ALAD: variants seen among roughly 807,000 people sequenced by gnomAD.
ALAD encodes aminolevulinate dehydratase.
A neutral mutation model predicts 44.4 loss-of-function variants in ALAD; 20 were observed. The ratio of observed to expected loss-of-function variants is 0.45; its 90% CI spans 0.32 to 0.65. The LOEUF is 0.65. Among genes scored for constraint, ALAD ranks in the 30% least tolerant of loss-of-function variants. The pLI is 0.05. For missense variants in ALAD, 323 were observed against 445.7 expected (o/e 0.72, Z 2.48); for synonymous variants, 156 against 167.9 (o/e 0.93, Z 0.55).
rs778953536 is a variant in ALAD at position 113,390,849 on chromosome 9, G to A, written c.346C>T (p.Leu116=). 2.5e-6 allele frequency: 4 copies of A among 1,613,832 alleles called. No homozygotes were observed. The highest frequency in any genetic ancestry group is 1.1e-5 in the South Asian group (1 of 91,040). ...CACAGGCAGACATCACAGGCCACCA[G>A]GAGGTTGGGGAAGGTCTTCCTCAAC... ...HLLRKTFPNL[L]VACDVCLCPY... The change falls in exon 5 of 12, where the codon CTG becomes TTG. Residue 116 remains leucine, a synonymous_variant. Transcript: ENST00000409155.
rs753578181 is a variant in ALAD, at chr9:113,389,533, T to C, written c.715-9A>G. ...TCCCGTACATCCCGGTCCTAAGGGA[T>C]GAGGGTATAATGTGGGTGGTGCCTA... is the stretch of plus-strand genomic sequence containing the variant. On this transcript the variant is annotated splice_polypyrimidine_tract_variant and intron_variant, in intron 9 of 11. Transcript: ENST00000409155. The C allele has an allele frequency of 1.2e-6, 2 of 1,614,140 alleles. No homozygotes were observed. Among genetic ancestry groups the C allele is most frequent in the South Asian group, 1.1e-5 (1 of 91,078 alleles).
chr9:113,388,538 T>G (rs1827473168), intron 11 of ALAD, among the ~76,000 whole-genome samples, 177 bp from the exon 12 acceptor site: 1 of 152,226 alleles, frequency 6.6e-6, no homozygotes, highest in Admixed American at 6.5e-5. Flanking sequence ...GCAAGTCATT[T>G]CCTCTTTTGG....
intron 1 of ALAD, 56 bp from the exon 2 acceptor site, chr9:113,393,690 C>A: frequency 1.4e-6 from 1 of 732,620 alleles, no homozygotes; most frequent in South Asian, 1.6e-5. Context: ...AGGAGATGGT[C>A]ACATCTGGAA....
chr9:113,388,939 G>A, intron 11 of ALAD, 38 bp downstream of exon 11: 2 of 1,613,626 alleles, frequency 1.2e-6, no homozygotes, highest in Non-Finnish European at 1.7e-6. Context: ...ATCAGTCCCT[G>A]TGGCGCAGGT....
chr9:113,400,539 C>G (rs1827826490), intron 1 of ALAD, among the ~76,000 whole-genome samples: 2 of 152,140 alleles, frequency 1.3e-5, no homozygotes, highest in African/African-American at 4.8e-5. Context: ...ATGAATGGGT[C>G]AGGCCGGGCG....
intron 2 of ALAD, 35 bp downstream of exon 2, chr9:113,393,412 C>T (rs777326728): frequency 7.4e-7 from 1 of 1,357,008 alleles, no homozygotes; most frequent in Admixed American, 1.8e-5. Flanking sequence ...CCCCAACCAG[C>T]AGAGCAGAGG....
At chr9:113,399,723 C>T (rs541864774) in intron 1 of ALAD, among the ~76,000 whole-genome samples, 3 of 152,074 alleles carry the variant, frequency 2.0e-5, no homozygotes, top group African/African-American at 4.8e-5. Flanking sequence ...TCATGTGCCA[C>T]CCCCCACCCC....
chr9:113,389,134 C>T, intron 10 of ALAD, 28 bp from the exon 11 acceptor site: 1 of 1,613,688 alleles, frequency 6.2e-7, no homozygotes, highest in Non-Finnish European at 8.5e-7. Context: ...GGGAGACAGG[C>T]TGAAATGGAG....
chr9:113,388,194 G>A lies in ALAD; in HGVS notation c.*106C>T, dbSNP rs8177820. ...CCCCGCTAGCATGTGAGCAGGAAGA[G>A]GGCATGAGGGCACAGTTCTAAAAGC... On this transcript the variant is annotated 3_prime_UTR_variant, in exon 12 of 12. Transcript: ENST00000409155. The A allele has an allele frequency of 3.3e-6, 4 of 1,210,090 alleles. No individual in the cohort carries two copies. Among genetic ancestry groups the A allele is most frequent in the African/African-American group, 3.0e-5 (2 of 66,728 alleles). The allele number at this position is 1,210,090 out of a possible 1,614,324, so 75.0% of individuals were successfully genotyped here.
Position 113,386,551 on chromosome 9 carries a change from A to G in ALAD, c.*1749T>C, listed in dbSNP as rs915519069. 2 of 152,146 alleles carry G rather than the reference A, an allele frequency of 1.3e-5. No individual in the cohort carries two copies. Among genetic ancestry groups the G allele is most frequent in the African/African-American group, 4.8e-5 (2 of 41,430 alleles). The allele number at this position is 152,146 out of a possible 1,614,324, so 9.4% of individuals were successfully genotyped here. Reference sequence around the variant, plus strand: ...TTATGATGGGTTTATCAGGATGCAAACCCATCACATAAATGGAGGGGTGTC... The same window carrying G: ...TTATGATGGGTTTATCAGGATGCAAGCCCATCACATAAATGGAGGGGTGTC... On this transcript the variant is annotated 3_prime_UTR_variant, in exon 12 of 12. Transcript: ENST00000409155.
chr9:113,395,266 T>C (rs1454568770), intron 1 of ALAD, among the ~76,000 whole-genome samples: 2 of 152,140 alleles, frequency 1.3e-5, no homozygotes, highest in Non-Finnish European at 2.9e-5. Flanking sequence ...TTCCTAACCT[T>C]GTCCCTTTAC....
chr9:113,388,405 C>T, intron 11 of ALAD, 44 bp from the exon 12 acceptor site: 11 of 1,581,632 alleles, frequency 7.0e-6, no homozygotes, highest in Non-Finnish European at 9.6e-6. Context: ...GGACGCTGAT[C>T]AGCTCTGAGC....
chr9:113,393,931 TA>T (rs904956627), intron 1 of ALAD, among the ~76,000 whole-genome samples: 2 of 151,388 alleles, frequency 1.3e-5, no homozygotes, highest in Non-Finnish European at 2.9e-5. Context: ...AATGACTGTT[TA>T]AAAAAAATTC....
chr9:113,400,503 C>T (rs376085796), intron 1 of ALAD, among the ~76,000 whole-genome samples: 2 of 152,098 alleles, frequency 1.3e-5, no homozygotes, highest in African/African-American at 4.8e-5. Context: ...GGGACTAGAA[C>T]CGACCTCAAT....
Position 113,390,946 on chromosome 9 carries a change from G to A in ALAD, c.262-13C>T. 1 of 1,613,978 alleles carries A rather than the reference G, an allele frequency of 6.2e-7. No homozygotes were observed. Among genetic ancestry groups the A allele is most frequent in the Non-Finnish European group, 8.5e-7 (1 of 1,180,008 alleles). ...AACCCCGCTCGTCCTAGGGGCAGGGGAGGGACAAAGCAGTGTGTCTATTAC... is the reference window on the plus strand; with the variant it reads ...AACCCCGCTCGTCCTAGGGGCAGGGAAGGGACAAAGCAGTGTGTCTATTAC... On this transcript the variant is annotated splice_polypyrimidine_tract_variant and intron_variant, in intron 4 of 11. Coordinates refer to ENST00000409155, the MANE Select transcript of ALAD (RefSeq NM_000031.6).
In ALAD at chr9:113,386,799, A is replaced by C. The variant is rs1231977801; in HGVS notation, c.*1501T>G. ...AGCTTCCTTATTGCAAAATGTCTCA[A>C]GCTAAGTTTAGTATTCTCCCTCCAC... On this transcript the variant is annotated 3_prime_UTR_variant, in exon 12 of 12. Transcript: ENST00000409155. 1 of 152,090 alleles carries C rather than the reference A, an allele frequency of 6.6e-6. No homozygotes were observed. The highest frequency in any genetic ancestry group is 2.4e-5 in the African/African-American group (1 of 41,406). The allele number at this position is 152,090 out of a possible 1,614,324, so 9.4% of individuals were successfully genotyped here. A position where few individuals can be genotyped will look rare whatever the true frequency, so the allele number is the denominator to read the frequency against.
intron 1 of ALAD, among the ~76,000 whole-genome samples, chr9:113,395,175 A>G (rs1827694272): frequency 6.6e-6 from 1 of 152,230 alleles, no homozygotes; most frequent in African/African-American, 2.4e-5. Context: ...ACAGACACAT[A>G]CACTGTATAG....
chr9:113,388,923 G>A (rs1004777529), intron 11 of ALAD, 54 bp downstream of exon 11: 7 of 1,613,198 alleles, frequency 4.3e-6, no homozygotes, highest in Non-Finnish European at 5.9e-6. Flanking sequence ...TCTAGGCAGA[G>A]TGCTTATCAG....
intron 10 of ALAD, 67 bp from the exon 11 acceptor site, chr9:113,389,173 C>T: frequency 5.0e-6 from 8 of 1,596,438 alleles, no homozygotes; most frequent in Non-Finnish European, 6.8e-6. Flanking sequence ...AGCGTCCCTT[C>T]CCCCCTGCTC....
Sources: allele counts gnomAD v4.1 joint callset (sites outside exome capture counted in the v4.1 genomes callset), GRCh38; gene constraint gnomAD v4.1.1; transcripts MANE v1.5; gene names NCBI Gene and HGNC (gene_info 2026-07-23, HGNC 2026-07-21).